Variants in MAEA observed in about 807,000 individuals in gnomAD.
The protein encoded by MAEA is macrophage erythroblast attacher, E3 ubiquitin ligase.
MAEA carries 22 observed loss-of-function variants against 46.2 expected under a neutral mutation model. The ratio of observed to expected loss-of-function variants is 0.48; its 90% CI spans 0.34 to 0.68. The LOEUF is 0.68. MAEA is among the 30% of genes least tolerant of loss of function. MAEA has a pLI of 0.01. For synonymous variants in MAEA, 246 were observed against 222.6 expected (o/e 1.11, Z -0.94); for missense variants, 393 against 558.1 (o/e 0.70, Z 2.98).
At chr4:1,318,486 G>A (rs561947821) in intron 3 of MAEA, among the ~76,000 whole-genome samples, 1 of 152,222 alleles carries the variant, frequency 6.6e-6, no homozygotes, top group Non-Finnish European at 1.5e-5. Flanking sequence ...TCAAGGTGTT[G>A]GGGTGCCCTG....
chr4:1,336,178 G>A (rs1421221256), intron 6 of MAEA, among the ~76,000 whole-genome samples: 1 of 150,952 alleles, frequency 6.6e-6, no homozygotes, highest in Non-Finnish European at 1.5e-5. Flanking sequence ...GCAGCATGTT[G>A]AAATCAGAGA....
chr4:1,321,533 C>T (rs919478137), intron 3 of MAEA, among the ~76,000 whole-genome samples: 3 of 152,204 alleles, frequency 2.0e-5, no homozygotes, highest in Non-Finnish European at 4.4e-5. Flanking sequence ...GAGTAATCAT[C>T]AAAGAAAACA....
chr4:1,318,135 G>T (rs954178630), intron 3 of MAEA, among the ~76,000 whole-genome samples: 1 of 149,028 alleles, frequency 6.7e-6, no homozygotes, highest in Non-Finnish European at 1.5e-5. Flanking sequence ...ACAGGCCCTC[G>T]CTCCGTGCTG....
In MAEA at chr4:1,309,773, C is replaced by T. The variant is rs1444063474; in HGVS notation, c.70-2206C>T. 3 of 1,462,154 alleles carry T rather than the reference C, an allele frequency of 2.1e-6. No homozygotes were observed. In the African/African-American group the frequency reaches 4.2e-5, roughly 20 times the overall value. The allele number at this position is 1,462,154 out of a possible 1,614,324, so 90.6% of individuals were successfully genotyped here. A position where few individuals can be genotyped will look rare whatever the true frequency, so the allele number is the denominator to read the frequency against. ...CTGCGTAACCGTGGCGCGTTCTGGG[C>T]AGGGCCTTTTCCCTTGCACTGGGAG... On this transcript the variant is annotated intron_variant, in intron 1 of 8. Coordinates refer to ENST00000303400, the MANE Select transcript of MAEA (RefSeq NM_001017405.3).
intron 6 of MAEA, 90 bp downstream of exon 6, chr4:1,332,955 G>C (rs4974600): frequency 0.077 from 71,352 of 922,256 alleles, 6,654 homozygotes; most frequent in East Asian, 0.37. Flanking sequence ...ACGTGGGGCG[G>C]GACGTGAGGG....
intron 5 of MAEA, chr4:1,328,862 G>A (rs1739178364): frequency 4.2e-5 from 44 of 1,042,412 alleles, no homozygotes; most frequent in Non-Finnish European, 4.9e-5. Context: ...GGCCTGCAAC[G>A]AGGTCCCTTC....
At chr4:1,290,112 G>C (rs1207651598) in intron 1 of MAEA, 130 bp downstream of exon 1, 1 of 478,302 alleles carries the variant, frequency 2.1e-6, no homozygotes, top group African/African-American at 2.1e-5. Flanking sequence ...TCGCGGGGCC[G>C]TGCGGGCTTC....
chr4:1,338,051 G>A (rs977716595), intron 7 of MAEA: 2 of 228,064 alleles, frequency 8.8e-6, no homozygotes, highest in Non-Finnish European at 1.8e-5. Context: ...GGGCGAGAGG[G>A]CTGGCGTGCT....
At position 1,335,804 on chromosome 4, in the gene MAEA, T is replaced by C. The variant is rs531205646; in HGVS notation, c.766-1057T>C. 2.3e-3 allele frequency: 1,266 copies of C among 559,004 alleles called. 14 individuals are homozygous for C. The African/African-American group carries it at 0.028, about 12-fold the overall frequency. The allele number at this position is 559,004 out of a possible 1,614,324, so 34.6% of individuals were successfully genotyped here. On this transcript the variant is annotated intron_variant, in intron 6 of 8. Coordinates refer to ENST00000303400, the MANE Select transcript of MAEA (RefSeq NM_001017405.3). ...CACAGAGTTAAGTCAGCACCTGCCC[T>C]GCAGTGTGTTGAAATCACAGAGTTA...
At chr4:1,336,734 A>G in intron 6 of MAEA, 127 bp from the exon 7 acceptor site, 1 of 800,244 alleles carries the variant, frequency 1.2e-6, no homozygotes, top group East Asian at 2.6e-5. Flanking sequence ...CCTTAGTGCA[A>G]AGTGTGTGGG....
chr4:1,317,250 G>A (rs13141345), intron 3 of MAEA, among the ~76,000 whole-genome samples: 1 of 44,392 alleles, frequency 2.3e-5, no homozygotes, highest in Non-Finnish European at 4.1e-5. Context: ...AGACTCACCC[G>A]CAGGCCCACC....
rs368069067 is a variant in MAEA, at chr4:1,297,454, C to CGTGTGTGTGTGTGTGTGTGTGTGTGTGT, written c.69+7475_69+7476insTGTGTGTGTGTGTGTGTGTGTGTGTGTG. On this transcript the variant is annotated intron_variant, in intron 1 of 8. Transcript: ENST00000303400. Reference sequence around the variant, plus strand: ...AGCTTTGGAGGAGCCTGAAAAAGTACGTGCGTATGTGTGTGTGTATACATA... The same window carrying CGTGTGTGTGTGTGTGTGTGTGTGTGTGT: ...AGCTTTGGAGGAGCCTGAAAAAGTACGTGTGTGTGTGTGTGTGTGTGTGTGTGTGTGCGTATGTGTGTGTGTATACATA... Among the ~76,000 whole-genome samples the CGTGTGTGTGTGTGTGTGTGTGTGTGTGT allele has an allele frequency of 3.4e-3, 511 of 150,592 alleles. 10 individuals carry two copies. The highest frequency in any genetic ancestry group is 0.012 in the African/African-American group (477 of 40,160).
intron 6 of MAEA, chr4:1,334,896 C>G: frequency 1.0e-6 from 1 of 985,342 alleles, no homozygotes; most frequent in South Asian, 4.7e-5. Flanking sequence ...GATTTTTAGA[C>G]AAAAATGAGA....
chr4:1,298,501 C>G (rs1431720314), intron 1 of MAEA, among the ~76,000 whole-genome samples: 1 of 152,200 alleles, frequency 6.6e-6, no homozygotes, highest in Non-Finnish European at 1.5e-5. Context: ...GCCTTGGGGT[C>G]TCTGGAATTG....
At chr4:1,295,678 C>A (rs1257603641) in intron 1 of MAEA, among the ~76,000 whole-genome samples, 1 of 74,614 alleles carries the variant, frequency 1.3e-5, no homozygotes, top group Non-Finnish European at 2.9e-5. Flanking sequence ...CCCCCTCACC[C>A]GCTCCTATAC....
chr4:1,298,134 C>A (rs1413396910), intron 1 of MAEA: 1 of 453,140 alleles, frequency 2.2e-6, no homozygotes, highest in Admixed American at 2.4e-5. Flanking sequence ...CCATATGCCC[C>A]TCCTTCTCCA....
At chr4:1,316,105 G>C (rs974501947) in intron 3 of MAEA, among the ~76,000 whole-genome samples, 3 of 152,030 alleles carry the variant, frequency 2.0e-5, no homozygotes, top group Non-Finnish European at 2.9e-5. Context: ...CCTGTACCCC[G>C]GGTTTTGCGC....
chr4:1,319,812 C>T (rs1042019672), intron 3 of MAEA, among the ~76,000 whole-genome samples: 2 of 151,910 alleles, frequency 1.3e-5, no homozygotes, highest in African/African-American at 4.8e-5. Context: ...TTCGCCTGCC[C>T]TGAAGGGGCT....
chr4:1,303,727 C>G (rs1412737826), intron 1 of MAEA, among the ~76,000 whole-genome samples: 1 of 151,974 alleles, frequency 6.6e-6, no homozygotes, highest in African/African-American at 2.4e-5. Flanking sequence ...TGTGCTTATT[C>G]TAAAAACTAC....
Sources: gnomAD v4.1 joint callset for allele counts (sites outside exome capture counted in the v4.1 genomes callset) on GRCh38, gnomAD v4.1.1 for gene constraint, MANE v1.5 for transcripts, NCBI Gene and HGNC (gene_info 2026-07-23, HGNC 2026-07-21) for gene names.